Variants in FBXO16 observed in about 807,000 individuals in gnomAD.
FBXO16 encodes F-box only protein 16.
A neutral mutation model predicts 41.0 loss-of-function variants in FBXO16; 31 were observed. The ratio of observed to expected loss-of-function variants is 0.76; its 90% CI spans 0.57 to 1.02. The LOEUF is 1.02. Ranked by LOEUF, FBXO16 falls within the 50% of genes least tolerant of loss-of-function variation. The pLI is 0.00. For synonymous variants in FBXO16, 133 were observed against 117.8 expected (o/e 1.13, Z -0.84); for missense variants, 361 against 346.2 (o/e 1.04, Z -0.34).
At chr8:28,443,986 C>T (rs1049303977) in intron 7 of FBXO16, among the ~76,000 whole-genome samples, 2 of 152,170 alleles carry the variant, frequency 1.3e-5, no homozygotes, top group Non-Finnish European at 2.9e-5. Flanking sequence ...CAGCAGCCCT[C>T]GGGGCTGCTC....
In FBXO16 at chr8:28,473,690, C is replaced by T; in HGVS notation, c.135+82G>A. On this transcript the variant is annotated intron_variant, in intron 3 of 8. Coordinates refer to ENST00000380254, the MANE Select transcript of FBXO16 (RefSeq NM_172366.4). ...ATATGTCTGTTATTTATAAGCCACC[C>T]AGTCTGATTTTTTAATAGCAGCCTG... The T allele has an allele frequency of 8.7e-6, 10 of 1,151,162 alleles. No individual in the cohort carries two copies. In the South Asian group the frequency reaches 1.2e-4, roughly 14 times the overall value. The allele number at this position is 1,151,162 out of a possible 1,614,324, so 71.3% of individuals were successfully genotyped here.
chr8:28,437,149 C>T (rs141090311), intron 7 of FBXO16, among the ~76,000 whole-genome samples: 1 of 152,326 alleles, frequency 6.6e-6, no homozygotes, highest in African/African-American at 2.4e-5. Flanking sequence ...ATCACAAACA[C>T]AGTTCTCTTC....
intron 1 of FBXO16, among the ~76,000 whole-genome samples, chr8:28,488,076 C>T (rs1803631149): frequency 6.6e-6 from 1 of 152,008 alleles, no homozygotes; most frequent in Non-Finnish European, 1.5e-5. Flanking sequence ...TGGTCTCAAA[C>T]TCCTGACCTC....
chr8:28,457,516 T>C (rs1803057455), intron 4 of FBXO16, among the ~76,000 whole-genome samples: 2 of 152,146 alleles, frequency 1.3e-5, no homozygotes, highest in Non-Finnish European at 2.9e-5. Context: ...GGGAAAGGCA[T>C]GTCTTACATG....
At chr8:28,431,097 T>C (rs1368151280) in intron 7 of FBXO16, among the ~76,000 whole-genome samples, 1 of 152,218 alleles carries the variant, frequency 6.6e-6, no homozygotes, top group African/African-American at 2.4e-5. Context: ...CCTATTACCA[T>C]GCAACGCTTA....
At chr8:28,452,986 C>T (rs527755960) in intron 5 of FBXO16, among the ~76,000 whole-genome samples, 3 of 152,050 alleles carry the variant, frequency 2.0e-5, no homozygotes, top group East Asian at 1.9e-4. Flanking sequence ...ATGTCATCAT[C>T]GTCATCATCA....
chr8:28,447,719 C>G (rs1432210098), intron 6 of FBXO16, among the ~76,000 whole-genome samples: 1 of 152,148 alleles, frequency 6.6e-6, no homozygotes, highest in Non-Finnish European at 1.5e-5. Context: ...TTTGGGAGGC[C>G]AAGGCGGGTG....
intron 2 of FBXO16, among the ~76,000 whole-genome samples, chr8:28,481,073 G>A (rs1803504306): frequency 6.6e-6 from 1 of 152,156 alleles, no homozygotes; most frequent in African/African-American, 2.4e-5. Context: ...AGCCGGGCCT[G>A]GGCATCAGAT....
intron 6 of FBXO16, among the ~76,000 whole-genome samples, chr8:28,450,267 T>G (rs538599589): frequency 1.3e-5 from 2 of 152,258 alleles, no homozygotes; most frequent in South Asian, 2.1e-4. Flanking sequence ...GATATCTACA[T>G]GCAAAACAAT....
chr8:28,465,644 A>T (rs910045085), intron 3 of FBXO16, among the ~76,000 whole-genome samples: 9 of 152,190 alleles, frequency 5.9e-5, no homozygotes, highest in South Asian at 2.1e-4. Context: ...AAAAATTTTT[A>T]AAAAAGCAGA....
intron 3 of FBXO16, among the ~76,000 whole-genome samples, chr8:28,471,629 T>G (rs550648642): frequency 2.6e-5 from 4 of 151,846 alleles, no homozygotes; most frequent in Admixed American, 6.6e-5. Flanking sequence ...TATGACTTAG[T>G]GATTTTAAGG....
chr8:28,449,111 G>A (rs1389449128), intron 6 of FBXO16: 5 of 152,060 alleles, frequency 3.3e-5, no homozygotes, highest in African/African-American at 9.7e-5. Context: ...AACCAGGTAC[G>A]GGGGACAGAA....
chr8:28,466,267 T>C (rs938109658), intron 3 of FBXO16, among the ~76,000 whole-genome samples: 4 of 152,028 alleles, frequency 2.6e-5, no homozygotes, highest in Non-Finnish European at 4.4e-5. Context: ...AACAGTAGAA[T>C]AACAGTAGAA....
chr8:28,432,293 GT>G (rs1303177871), intron 7 of FBXO16, among the ~76,000 whole-genome samples: 1 of 152,012 alleles, frequency 6.6e-6, no homozygotes, highest in African/African-American at 2.4e-5. Context: ...GGCCAACATG[GT>G]GAAACCCTAT....
chr8:28,433,860 G>A (rs1181440622), intron 7 of FBXO16, among the ~76,000 whole-genome samples: 1 of 152,032 alleles, frequency 6.6e-6, no homozygotes, highest in Non-Finnish European at 1.5e-5. Flanking sequence ...CAAGAAAGAC[G>A]AGGGTCCCAC....
In FBXO16 at chr8:28,463,748, T is replaced by A. The variant is rs760763704; in HGVS notation, c.206A>T (p.Gln69Leu). ...TGLLERCSLS[Q>L]QKFCCRKLQE... ...AAGCTTTCGACAGCAGAACTTTTGC[T>A]GGGACAGCGAGCAGCGCTCCAACAG... The change falls in exon 4 of 9, where the codon CAG becomes CTG. Residue 69 changes from glutamine to leucine, a missense_variant. Coordinates refer to ENST00000380254, the MANE Select transcript of FBXO16 (RefSeq NM_172366.4). The A allele has an allele frequency of 6.2e-7, 1 of 1,614,216 alleles. No individual in the cohort carries two copies.
chr8:28,474,065 T>C (rs1803379344), intron 2 of FBXO16, among the ~76,000 whole-genome samples: 1 of 151,918 alleles, frequency 6.6e-6, no homozygotes. Flanking sequence ...GGCTCACACC[T>C]GTAATCCCAG....
chr8:28,456,949 T>C lies in FBXO16; in HGVS notation c.343-19A>G, dbSNP rs747850464. ...AGCACACCTGGAAAAACAATTACAA[T>C]TAAACAAAACCAAATCAAACAACCC... On this transcript the variant is annotated intron_variant, in intron 4 of 8. Transcript: ENST00000380254. 1 of 1,606,830 alleles carries C rather than the reference T, an allele frequency of 6.2e-7. No individual in the cohort carries two copies.
chr8:28,460,245 A>ATATATATTTTT (rs1477457728), intron 4 of FBXO16, among the ~76,000 whole-genome samples: 2 of 85,480 alleles, frequency 2.3e-5, no homozygotes, highest in African/African-American at 6.3e-5. Flanking sequence ...ATATATATAT[A>ATATATATTTTT]TTTTTTTTTT....
Sources: gnomAD v4.1 joint callset for allele counts (sites outside exome capture counted in the v4.1 genomes callset) on GRCh38, gnomAD v4.1.1 for gene constraint, MANE v1.5 for transcripts, NCBI Gene and HGNC (gene_info 2026-07-23, HGNC 2026-07-21) for gene names.